SLC1A1: variants seen among roughly 807,000 people sequenced by gnomAD.
SLC1A1 encodes solute carrier family 1 member 1, also known as excitatory amino acid transporter 3.
Under a neutral mutation model 53.3 loss-of-function variants are expected in SLC1A1, and 43 were observed. That is an observed-to-expected ratio of 0.81 (90% confidence interval 0.63 to 1.04). The LOEUF is 1.04. Among genes scored for constraint, SLC1A1 ranks in the 50% least tolerant of loss-of-function variants. SLC1A1 has a pLI of 0.00. For synonymous variants in SLC1A1, 307 were observed against 243.2 expected (o/e 1.26, Z -2.44); for missense variants, 748 against 664.9 (o/e 1.12, Z -1.37).
intron 10 of SLC1A1, among the ~76,000 whole-genome samples, chr9:4,580,306 C>G (rs989025575): frequency 1.3e-5 from 2 of 151,798 alleles, no homozygotes; most frequent in African/African-American, 4.8e-5. Context: ...TACAGCAGGG[C>G]GCAGAGGCTC....
Position 4,556,708 on chromosome 9 carries a change from G to T in SLC1A1, c.233-4741G>T, listed in dbSNP as rs908235329. ...CATTCTCACAGTCAACATTCATTGC[G>T]CTAGACCACAAGTTCTCACCAAGAC... On this transcript the variant is annotated intron_variant, in intron 2 of 11. Transcript: ENST00000262352. This position sits in a 1 kb window ranked among gnomAD's most constrained non-coding sequence, Gnocchi z 4.1. 6.6e-6 allele frequency among the ~76,000 whole-genome samples: 1 copy of T among 152,146 alleles called. No homozygotes were observed. The highest frequency in any genetic ancestry group is 1.9e-4 in the East Asian group (1 of 5,200).
intron 10 of SLC1A1, among the ~76,000 whole-genome samples, chr9:4,577,940 G>C (rs546173322): frequency 1.3e-5 from 2 of 152,330 alleles, no homozygotes; most frequent in Non-Finnish European, 2.9e-5. Flanking sequence ...AGAAGCATCA[G>C]CTGGATTCAG....
At chr9:4,532,905 T>A (rs566255628) in intron 1 of SLC1A1, among the ~76,000 whole-genome samples, 1 of 152,260 alleles carries the variant, frequency 6.6e-6, no homozygotes, top group South Asian at 2.1e-4. Context: ...TGGGGGCCAA[T>A]ATGCAACATT....
At chr9:4,520,483 CA>C (rs1408606613) in intron 1 of SLC1A1, among the ~76,000 whole-genome samples, 2 of 152,148 alleles carry the variant, frequency 1.3e-5, no homozygotes, top group Non-Finnish European at 2.9e-5. Flanking sequence ...CTGTTCTGGA[CA>C]TTTCATATAA....
chr9:4,521,960 G>T (rs1317125487), intron 1 of SLC1A1, among the ~76,000 whole-genome samples: 1 of 151,780 alleles, frequency 6.6e-6, no homozygotes, highest in East Asian at 1.9e-4. Flanking sequence ...GCCATTGGTA[G>T]CAAGGTCTTA....
At chr9:4,568,127 A>C (rs1261010911) in intron 6 of SLC1A1, among the ~76,000 whole-genome samples, 1 of 152,010 alleles carries the variant, frequency 6.6e-6, no homozygotes, top group Non-Finnish European at 1.5e-5. Flanking sequence ...TCGCTGTTTG[A>C]AATGGACCAA....
intron 1 of SLC1A1, among the ~76,000 whole-genome samples, chr9:4,530,174 A>C (rs1816414428): frequency 6.6e-6 from 1 of 152,108 alleles, no homozygotes; most frequent in Non-Finnish European, 1.5e-5. Context: ...AAAACAGTGG[A>C]ACATGCAAAA....
Position 4,585,796 on chromosome 9 carries a change from T to C in SLC1A1, c.*238T>C, listed in dbSNP as rs564334082. ...AAGGAAAGTTCTATTATCTGGGTTT[T>C]AGAAATTCTATAAGAGACAAAGTTT... On this transcript the variant is annotated 3_prime_UTR_variant, in exon 12 of 12. Coordinates refer to ENST00000262352, the MANE Select transcript of SLC1A1 (RefSeq NM_004170.6). 3.7e-6 allele frequency: 2 copies of C among 538,984 alleles called. No homozygotes were observed. The highest frequency in any genetic ancestry group is 2.1e-5 in the South Asian group (1 of 47,544). 33.4% of individuals were successfully genotyped at this position (538,984 alleles called of 1,614,324 possible). A position where few individuals can be genotyped will look rare whatever the true frequency, so the allele number is the denominator to read the frequency against.
chr9:4,501,511 T>A (rs1047757973), intron 1 of SLC1A1, among the ~76,000 whole-genome samples: 2 of 151,688 alleles, frequency 1.3e-5, no homozygotes, highest in African/African-American at 4.9e-5. Flanking sequence ...ACGCCTGTAA[T>A]CCCAGAACTT....
chr9:4,576,451 T>A (rs2072657), intron 9 of SLC1A1, 118 bp from the exon 10 acceptor site: 3 of 837,746 alleles, frequency 3.6e-6, no homozygotes, highest in South Asian at 2.8e-5. Context: ...TTTACTTTTC[T>A]CGACAAGATT....
Position 4,576,076 on chromosome 9 carries a change from C to T in SLC1A1, c.951C>T (p.Ala317=). Residue 317 remains alanine (A), a synonymous_variant, in exon 9 of 12, where the codon GCC becomes GCT. Transcript: ENST00000262352. ...TACGAAAGAACCCTTTCCGATTTGC[C>T]ATGGGAATGGCCCAGGCTCTCCTGA... ...IVVRKNPFRF[A]MGMAQALLTA... 6.2e-7 allele frequency: 1 copy of T among 1,613,764 alleles called. No homozygotes were observed. Among genetic ancestry groups the T allele is most frequent in the Non-Finnish European group, 8.5e-7 (1 of 1,179,618 alleles).
intron 2 of SLC1A1, among the ~76,000 whole-genome samples, chr9:4,550,567 C>G (rs940851316): frequency 6.6e-6 from 1 of 152,102 alleles, no homozygotes; most frequent in African/African-American, 2.4e-5. Context: ...CTAATTCTTA[C>G]TTTTGTCGCG....
At chr9:4,526,283 G>A (rs1256279801) in intron 1 of SLC1A1, among the ~76,000 whole-genome samples, 2 of 152,144 alleles carry the variant, frequency 1.3e-5, no homozygotes, top group Non-Finnish European at 2.9e-5. Flanking sequence ...ACAAAATAGG[G>A]AATGTGATAT....
At chr9:4,570,499 C>T (rs62543870) in intron 6 of SLC1A1, among the ~76,000 whole-genome samples, 14,163 of 151,374 alleles carry the variant, frequency 0.094, 860 homozygotes, top group Non-Finnish European at 0.13. Flanking sequence ...GCCTCCCAAG[C>T]AGCTGGGATT....
intron 2 of SLC1A1, among the ~76,000 whole-genome samples, chr9:4,550,012 A>G (rs1817797319): frequency 6.6e-6 from 1 of 152,212 alleles, no homozygotes. Flanking sequence ...TTTGCAGCTC[A>G]GTGGATGTCA....
At chr9:4,553,107 G>A (rs1411514351) in intron 2 of SLC1A1, among the ~76,000 whole-genome samples, 4 of 152,102 alleles carry the variant, frequency 2.6e-5, no homozygotes. Context: ...CAAAAACCCA[G>A]AAAAGTCTCA....
At chr9:4,527,126 A>G (rs1586714369) in intron 1 of SLC1A1, among the ~76,000 whole-genome samples, 1 of 152,158 alleles carries the variant, frequency 6.6e-6, no homozygotes, top group South Asian at 2.1e-4. Flanking sequence ...TAGGACTTGC[A>G]GGAGCCGAGA....
chr9:4,561,033 G>A (rs968120655), intron 2 of SLC1A1, among the ~76,000 whole-genome samples: 4 of 151,938 alleles, frequency 2.6e-5, no homozygotes, highest in Admixed American at 6.6e-5. Context: ...AACAACAAAC[G>A]ATCTCAGTTC....
intron 1 of SLC1A1, among the ~76,000 whole-genome samples, chr9:4,523,363 T>C (rs1816152211): frequency 6.6e-6 from 1 of 152,114 alleles, no homozygotes; most frequent in South Asian, 2.1e-4. Context: ...TTTTTTTTTT[T>C]CCACATGCCA....
Sources: gnomAD v4.1 joint callset for allele counts (sites outside exome capture counted in the v4.1 genomes callset) on GRCh38, gnomAD v4.1.1 for gene constraint, Gnocchi (gnomAD v3.1) non-coding constraint, MANE v1.5 for transcripts, NCBI Gene and HGNC (gene_info 2026-07-23, HGNC 2026-07-21) for gene names.